Variants in MAMDC2 observed in about 807,000 individuals in gnomAD.
MAMDC2 encodes the protein MAM domain containing 2.
MAMDC2 carries 57 observed loss-of-function variants against 89.8 expected under a neutral mutation model. The observed-to-expected ratio is 0.63, with a 90% CI of 0.51 to 0.79. The LOEUF (loss-of-function observed/expected upper bound fraction) is 0.79. Among genes scored for constraint, MAMDC2 ranks in the 30% least tolerant of loss-of-function variants. The probability of loss-of-function intolerance (pLI) is 0.00; values close to 1 mark genes in which losing one functional copy is unlikely to be tolerated. For synonymous variants in MAMDC2, 313 were observed against 293.4 expected (o/e 1.07, Z -0.68); for missense variants, 800 against 820.6 (o/e 0.97, Z 0.31).
At chr9:70,056,641 C>G (rs1827030680) in intron 2 of MAMDC2, among the ~76,000 whole-genome samples, 1 of 152,114 alleles carries the variant, frequency 6.6e-6, no homozygotes, top group African/African-American at 2.4e-5. Flanking sequence ...GGCTTGTGGA[C>G]TAGGACTTAT....
chr9:70,045,305 A>G (rs968299334), intron 2 of MAMDC2, among the ~76,000 whole-genome samples: 3 of 152,160 alleles, frequency 2.0e-5, no homozygotes, highest in African/African-American at 7.2e-5. Context: ...TCATTGTCTT[A>G]CTACTCTATA....
chr9:70,044,748 G>A (rs184060019), intron 2 of MAMDC2, 51 bp downstream of exon 2: 247 of 1,384,678 alleles, frequency 1.8e-4, no homozygotes, highest in Middle Eastern at 1.2e-3. Flanking sequence ...TTCCTTGATG[G>A]CTTGCTTTTT....
intron 2 of MAMDC2, among the ~76,000 whole-genome samples, chr9:70,057,989 T>C (rs2118015927): frequency 1.3e-5 from 2 of 152,342 alleles, no homozygotes; most frequent in South Asian, 4.1e-4. Flanking sequence ...GATAATCGTT[T>C]AAAAATTTTT....
intron 11 of MAMDC2, among the ~76,000 whole-genome samples, chr9:70,194,894 C>A (rs2032948004): frequency 6.6e-6 from 1 of 151,944 alleles, no homozygotes. Context: ...AACCTTAGGC[C>A]AGTATTACCC....
chr9:70,126,606 C>T (rs975799645), intron 6 of MAMDC2, among the ~76,000 whole-genome samples, 191 bp downstream of exon 6: 2 of 152,208 alleles, frequency 1.3e-5, no homozygotes, highest in Non-Finnish European at 2.9e-5. Flanking sequence ...TTGCCTGCCT[C>T]CTTTATCACC....
At chr9:70,222,483 T>C (rs148374305) in intron 12 of MAMDC2, among the ~76,000 whole-genome samples, 1 of 152,196 alleles carries the variant, frequency 6.6e-6, no homozygotes, top group East Asian at 1.9e-4. Context: ...ATTGATCCTA[T>C]GGGGAAAATA....
chr9:70,092,901 A>G (rs2118184394), intron 2 of MAMDC2, among the ~76,000 whole-genome samples: 1 of 152,314 alleles, frequency 6.6e-6, no homozygotes, highest in East Asian at 1.9e-4. Context: ...TCTATAATGC[A>G]ATGAAATGAA....
intron 2 of MAMDC2, among the ~76,000 whole-genome samples, chr9:70,089,812 A>G (rs1215657843): frequency 6.6e-6 from 1 of 152,206 alleles, no homozygotes; most frequent in Non-Finnish European, 1.5e-5. Context: ...GTATTTAGTG[A>G]TTAGCACATG....
intron 9 of MAMDC2, among the ~76,000 whole-genome samples, chr9:70,168,241 C>A (rs1265467407): frequency 6.6e-6 from 1 of 152,148 alleles, no homozygotes; most frequent in African/African-American, 2.4e-5. Flanking sequence ...ACTGTAATCC[C>A]AGCACTTTGG....
At chr9:70,071,272 T>C (rs1281089625) in intron 2 of MAMDC2, among the ~76,000 whole-genome samples, 1 of 152,212 alleles carries the variant, frequency 6.6e-6, no homozygotes, top group Non-Finnish European at 1.5e-5. Flanking sequence ...TGTCATAGTT[T>C]CCTTTCACAA....
At chr9:70,071,589 G>A (rs989915585) in intron 2 of MAMDC2, 6 of 152,242 alleles carry the variant, frequency 3.9e-5, no homozygotes, top group South Asian at 2.1e-4. Context: ...CTATACATAC[G>A]TGAGGTGTTA....
chr9:70,168,562 T>C (rs1256098441), intron 9 of MAMDC2, 140 bp from the exon 10 acceptor site: 1 of 619,646 alleles, frequency 1.6e-6, no homozygotes, highest in African/African-American at 1.8e-5. Context: ...CTTCCTACTG[T>C]GTTCTGTTGT....
chr9:70,173,927 G>A (rs192795163), intron 11 of MAMDC2, among the ~76,000 whole-genome samples: 3 of 152,186 alleles, frequency 2.0e-5, no homozygotes. Flanking sequence ...TCTAGAAAAT[G>A]AGAATAATCA....
At chr9:70,046,208 C>A (rs1013799339) in intron 2 of MAMDC2, among the ~76,000 whole-genome samples, 10 of 152,134 alleles carry the variant, frequency 6.6e-5, no homozygotes, top group Non-Finnish European at 1.0e-4. Flanking sequence ...ATTCAGGGGG[C>A]CTGAGAATTT....
chr9:70,068,431 T>C (rs1309009550), intron 2 of MAMDC2, among the ~76,000 whole-genome samples: 4 of 151,900 alleles, frequency 2.6e-5, no homozygotes, highest in South Asian at 2.1e-4. Context: ...TAAAAGCCAA[T>C]AGGGGGCCAG....
At chr9:70,057,287 A>G (rs1008890576) in intron 2 of MAMDC2, among the ~76,000 whole-genome samples, 3 of 152,174 alleles carry the variant, frequency 2.0e-5, no homozygotes, top group Non-Finnish European at 2.9e-5. Flanking sequence ...ATAATTACCA[A>G]TGATGTCTTA....
At chr9:70,141,193 C>T (rs1182192015) in intron 8 of MAMDC2, among the ~76,000 whole-genome samples, 2 of 152,114 alleles carry the variant, frequency 1.3e-5, no homozygotes, top group Non-Finnish European at 2.9e-5. Context: ...GGTTGCCTAA[C>T]CTGTAGAAAT....
intron 2 of MAMDC2, among the ~76,000 whole-genome samples, chr9:70,063,475 C>T (rs1196976345): frequency 6.6e-6 from 1 of 151,844 alleles, no homozygotes; most frequent in African/African-American, 2.4e-5. Flanking sequence ...GTGCCTCATC[C>T]AATACTGGGC....
chr9:70,188,549 T>C (rs1454805357), intron 11 of MAMDC2: 1 of 152,076 alleles, frequency 6.6e-6, no homozygotes, highest in East Asian at 1.9e-4. Context: ...AAGTAATTTT[T>C]TAAAATGTTA....
Sources: gnomAD v4.1 joint callset for allele counts (sites outside exome capture counted in the v4.1 genomes callset) on GRCh38, gnomAD v4.1.1 for gene constraint, MANE v1.5 for transcripts, NCBI Gene and HGNC (gene_info 2026-07-23, HGNC 2026-07-21) for gene names.